CNTN5: variants seen among roughly 807,000 people sequenced by gnomAD.
CNTN5 encodes contactin 5.
A neutral mutation model predicts 129.1 loss-of-function variants in CNTN5; 77 were observed. The observed-to-expected ratio is 0.60, with a 90% CI of 0.50 to 0.72. The LOEUF (loss-of-function observed/expected upper bound fraction) is 0.72, where lower values mean the gene tolerates loss of function less well. Among genes scored for constraint, CNTN5 ranks in the 30% least tolerant of loss-of-function variants. CNTN5 has a pLI of 0.00. For missense variants in CNTN5, 1,478 were observed against 1,328.8 expected (o/e 1.11, Z -1.75); for synonymous variants, 509 against 465.6 (o/e 1.09, Z -1.20).
In CNTN5 at chr11:99,418,181, A is replaced by T. The variant is rs533832355; in HGVS notation, c.-71+92697A>T. On this transcript the variant is annotated intron_variant, in intron 2 of 24. Coordinates refer to ENST00000524871, the MANE Select transcript of CNTN5 (RefSeq NM_014361.4). ...TTCAATCAAAATAGTAGAGAAGAAT[A>T]TTGGGATAATTTCATGACTACATTG... Among the ~76,000 whole-genome samples the T allele has an allele frequency of 5.0e-4, 76 of 152,302 alleles. 1 individual carries two copies. In the Middle Eastern group the frequency reaches 0.01, roughly 20 times the overall value.
At chr11:99,235,241 A>C (rs1861207039) in intron 1 of CNTN5, among the ~76,000 whole-genome samples, 1 of 152,114 alleles carries the variant, frequency 6.6e-6, no homozygotes, top group Admixed American at 6.6e-5. Context: ...ACTATATACT[A>C]AAATGGAGAT....
chr11:100,128,096 T>C (rs1480879004), intron 13 of CNTN5, among the ~76,000 whole-genome samples: 10 of 152,150 alleles, frequency 6.6e-5, no homozygotes, highest in Admixed American at 2.6e-4. Context: ...ATTTATATCT[T>C]TGACTCGAAT....
chr11:99,041,997 T>C (rs1864001735), intron 1 of CNTN5, among the ~76,000 whole-genome samples: 1 of 152,188 alleles, frequency 6.6e-6, no homozygotes, highest in Non-Finnish European at 1.5e-5. Context: ...TCCTGAATAA[T>C]TTCTACTTAT....
chr11:100,333,926 A>G (rs1388308525), intron 21 of CNTN5, among the ~76,000 whole-genome samples: 1 of 152,188 alleles, frequency 6.6e-6, no homozygotes, highest in Non-Finnish European at 1.5e-5. Flanking sequence ...AAACAAAGAT[A>G]AATAGATGGG....
intron 18 of CNTN5, among the ~76,000 whole-genome samples, chr11:100,285,799 G>A (rs565213998): frequency 1.3e-5 from 2 of 152,226 alleles, no homozygotes; most frequent in African/African-American, 2.4e-5. Flanking sequence ...CTCCCAGCGT[G>A]AGCGACGCAG....
At chr11:100,112,901 G>C (rs367650443) in intron 13 of CNTN5, among the ~76,000 whole-genome samples, 2 of 152,086 alleles carry the variant, frequency 1.3e-5, no homozygotes, top group Non-Finnish European at 2.9e-5. Flanking sequence ...TAAGAGCATA[G>C]CTATGCTCAG....
chr11:100,025,857 C>A (rs980370621), intron 9 of CNTN5, among the ~76,000 whole-genome samples: 1 of 152,104 alleles, frequency 6.6e-6, no homozygotes, highest in Admixed American at 6.5e-5. Flanking sequence ...AACTAACTTG[C>A]TTTTGATTTT....
At chr11:99,368,229 AAAATTTAAT>A (rs11279289) in intron 2 of CNTN5, among the ~76,000 whole-genome samples, 52,766 of 151,914 alleles carry the variant, frequency 0.35, 9,515 homozygotes, top group Non-Finnish European at 0.4. Flanking sequence ...AATAATTGTA[AAAATTTAAT>A]TTTTATTAGG....
chr11:99,305,956 G>A (rs1230178914), intron 1 of CNTN5, among the ~76,000 whole-genome samples: 4 of 151,828 alleles, frequency 2.6e-5, no homozygotes, highest in Non-Finnish European at 5.9e-5. Flanking sequence ...ACTCTAGCCT[G>A]GGTGACACAG....
intron 1 of CNTN5, among the ~76,000 whole-genome samples, chr11:99,248,935 C>G (rs1182274674): frequency 6.6e-6 from 1 of 152,100 alleles, no homozygotes; most frequent in South Asian, 2.1e-4. Flanking sequence ...TTAGGATTGA[C>G]TTGGCAATGT....
At chr11:100,175,647 G>A (rs17094506) in intron 13 of CNTN5, among the ~76,000 whole-genome samples, 4,699 of 152,178 alleles carry the variant, frequency 0.031, 245 homozygotes, top group African/African-American at 0.11. Flanking sequence ...ACAAATCAAA[G>A]AGCCTGGTTG....
At chr11:99,499,806 A>G (rs1946360909) in intron 2 of CNTN5, among the ~76,000 whole-genome samples, 1 of 152,126 alleles carries the variant, frequency 6.6e-6, no homozygotes, top group South Asian at 2.1e-4. Context: ...TTCAGGCCAT[A>G]TTGTTTTCTG....
chr11:99,694,667 C>T (rs910648651), intron 3 of CNTN5, among the ~76,000 whole-genome samples: 6 of 152,002 alleles, frequency 3.9e-5, no homozygotes, highest in South Asian at 2.1e-4. Context: ...TATCCCTCCC[C>T]GAGCCCCCCA....
intron 3 of CNTN5, among the ~76,000 whole-genome samples, chr11:99,722,897 CATCA>C (rs761433931): frequency 1.3e-5 from 2 of 152,036 alleles, no homozygotes; most frequent in African/African-American, 2.4e-5. Flanking sequence ...CCAGTCGTGT[CATCA>C]ATCATCCTTG....
At chr11:99,523,648 A>T (rs1167521553) in intron 2 of CNTN5, among the ~76,000 whole-genome samples, 5 of 67,016 alleles carry the variant, frequency 7.5e-5, no homozygotes, top group African/African-American at 2.7e-4. Flanking sequence ...ATAGAATAGA[A>T]TAGAACAGAA....
At chr11:99,286,284 C>T (rs112433323) in intron 1 of CNTN5, among the ~76,000 whole-genome samples, 20 of 152,204 alleles carry the variant, frequency 1.3e-4, no homozygotes, top group African/African-American at 4.6e-4. Context: ...TACTACTTGG[C>T]CCTATTATTC....
intron 4 of CNTN5, among the ~76,000 whole-genome samples, chr11:99,841,366 A>G (rs544183555): frequency 1.2e-4 from 18 of 152,142 alleles, no homozygotes; most frequent in African/African-American, 4.1e-4. Context: ...TGTTTTCACA[A>G]TTTTCAGAAC....
chr11:99,903,432 C>G (rs188785951), intron 6 of CNTN5, among the ~76,000 whole-genome samples: 24 of 152,000 alleles, frequency 1.6e-4, no homozygotes, highest in Admixed American at 3.3e-4. Context: ...GAAAAAAAAA[C>G]TATTTCTTTA....
chr11:99,565,033 T>C (rs1037844929), intron 3 of CNTN5, among the ~76,000 whole-genome samples: 3 of 152,220 alleles, frequency 2.0e-5, no homozygotes, highest in Non-Finnish European at 4.4e-5. Context: ...AATAAGTATA[T>C]CACAATAATA....
Sources: gnomAD v4.1 joint callset for allele counts (sites outside exome capture counted in the v4.1 genomes callset) on GRCh38, gnomAD v4.1.1 for gene constraint, MANE v1.5 for transcripts, NCBI Gene and HGNC (gene_info 2026-07-23, HGNC 2026-07-21) for gene names.